Variants in UGT2A1 observed in about 807,000 individuals in gnomAD.
UGT2A1 encodes the protein UDP-glucuronosyltransferase 2A1.
In UGT2A1, 61 loss-of-function variants were observed where a neutral mutation model predicts 45.4. That is an observed-to-expected ratio of 1.34 (90% confidence interval 1.09 to 1.66). The LOEUF (loss-of-function observed/expected upper bound fraction) is 1.66. Among genes scored for constraint, UGT2A1 ranks in the 40% most tolerant of loss-of-function variants. The pLI, the probability that UGT2A1 is intolerant of heterozygous loss-of-function variation, is 0.00. For missense variants in UGT2A1, 649 were observed against 574.3 expected, an observed-to-expected ratio of 1.13 and a Z score of -1.33; for synonymous variants, 229 against 196.2, an observed-to-expected ratio of 1.17 and a Z score of -1.40.
intron 1 of UGT2A1, among the ~76,000 whole-genome samples, chr4:69,650,894 T>C (rs1578013301): frequency 6.6e-6 from 1 of 152,138 alleles, no homozygotes; most frequent in Non-Finnish European, 1.5e-5. Context: ...TCATGAAAGG[T>C]ATGATATTTG....
intron 2 of UGT2A1, among the ~76,000 whole-genome samples, chr4:69,641,051 AT>A (rs1213419881): frequency 6.6e-6 from 1 of 151,928 alleles, no homozygotes; most frequent in African/African-American, 2.4e-5. Flanking sequence ...ATTGAGTTAC[AT>A]GTAAGAAAAA....
intron 2 of UGT2A1, chr4:69,638,871 C>A (rs1721875367): frequency 5.9e-6 from 9 of 1,519,786 alleles, no homozygotes; most frequent in South Asian, 2.6e-5. Flanking sequence ...GATGTGGAGT[C>A]ATTAAAAAGA....
chr4:69,639,821 G>A (rs1367164658), intron 2 of UGT2A1, among the ~76,000 whole-genome samples: 1 of 151,834 alleles, frequency 6.6e-6, no homozygotes, highest in Non-Finnish European at 1.5e-5. Context: ...TTCAGTAACA[G>A]AAATAAAATC....
At chr4:69,601,212 C>A (rs1243562769) in intron 3 of UGT2A1, among the ~76,000 whole-genome samples, 1 of 152,130 alleles carries the variant, frequency 6.6e-6, no homozygotes, top group Non-Finnish European at 1.5e-5. Flanking sequence ...TGGAACATTA[C>A]CCCAACAGCC....
At chr4:69,644,346 T>C (rs1722162812) in intron 2 of UGT2A1, among the ~76,000 whole-genome samples, 1 of 151,608 alleles carries the variant, frequency 6.6e-6, no homozygotes, top group African/African-American at 2.4e-5. Flanking sequence ...AATTCCAAGG[T>C]TGATGATGAG....
chr4:69,616,949 G>C (rs1238191387), intron 3 of UGT2A1, among the ~76,000 whole-genome samples: 2 of 149,216 alleles, frequency 1.3e-5, no homozygotes. Context: ...ATCTGCATAA[G>C]TTTCTGCCCA....
intron 3 of UGT2A1, among the ~76,000 whole-genome samples, chr4:69,607,662 T>C (rs1326852447): frequency 1.3e-5 from 2 of 152,042 alleles, no homozygotes; most frequent in Non-Finnish European, 2.9e-5. Context: ...ATTTTTGCAA[T>C]CTACTCATCT....
chr4:69,633,208 A>G (rs995258552), intron 3 of UGT2A1, among the ~76,000 whole-genome samples: 2 of 152,160 alleles, frequency 1.3e-5, no homozygotes, highest in African/African-American at 4.8e-5. Context: ...GATGAAAGAA[A>G]TCATACTGTA....
chr4:69,600,095 C>T (rs1476425435), intron 3 of UGT2A1, among the ~76,000 whole-genome samples: 2 of 152,140 alleles, frequency 1.3e-5, no homozygotes, highest in African/African-American at 4.8e-5. Flanking sequence ...TGGTGGGCAG[C>T]AGCCTATCCT....
chr4:69,634,202 G>A (rs1392346638), intron 3 of UGT2A1, among the ~76,000 whole-genome samples: 1 of 151,954 alleles, frequency 6.6e-6, no homozygotes, highest in Non-Finnish European at 1.5e-5. Context: ...CCGAGATCGC[G>A]CCACTGCACT....
chr4:69,610,663 T>C (rs912375845), intron 3 of UGT2A1, among the ~76,000 whole-genome samples: 1 of 152,120 alleles, frequency 6.6e-6, no homozygotes, highest in Non-Finnish European at 1.5e-5. Flanking sequence ...CTCTAATCCA[T>C]TATGACTAGT....
At chr4:69,639,741 A>C (rs1351650351) in intron 2 of UGT2A1, 1 of 1,132,660 alleles carries the variant, frequency 8.8e-7, no homozygotes, top group Non-Finnish European at 1.2e-6. Flanking sequence ...ACTCAGTCGT[A>C]GGTCAATTGA....
Position 69,589,223 on chromosome 4 carries a change from TA to T in UGT2A1, c.*148del. The T allele has an allele frequency of 9.9e-7, 1 of 1,013,680 alleles. No individual in the cohort carries two copies. The highest frequency in any genetic ancestry group is 1.4e-6 in the Non-Finnish European group (1 of 736,948). The allele number at this position is 1,013,680 out of a possible 1,614,324, so 62.8% of individuals were successfully genotyped here. ...CATGCCAAAATCTAGGCTTTATCAGTAGGCTTATCGCAGGTAGAGAAATAGA... is the reference window on the plus strand; with the variant it reads ...CATGCCAAAATCTAGGCTTTATCAGTGGCTTATCGCAGGTAGAGAAATAGA... On this transcript the variant is annotated 3_prime_UTR_variant, in exon 7 of 7. Coordinates refer to ENST00000286604, the MANE Select transcript of UGT2A1 (RefSeq NM_001252275.3).
At position 69,589,366 on chromosome 4, in the gene UGT2A1, C is replaced by T; in HGVS notation, c.*6G>A. The T allele has an allele frequency of 6.2e-7, 1 of 1,603,914 alleles. No individual in the cohort carries two copies. Among genetic ancestry groups the T allele is most frequent in the Non-Finnish European group, 8.5e-7 (1 of 1,175,504 alleles). ...AAAAATATATATATTTCCTCTTTTT[C>T]TTGACCTATTCTCTTTTTTTCTTCT... On this transcript the variant is annotated 3_prime_UTR_variant, in exon 7 of 7. Transcript: ENST00000286604.
chr4:69,639,895 A>G (rs1721960218), intron 2 of UGT2A1, among the ~76,000 whole-genome samples: 1 of 152,072 alleles, frequency 6.6e-6, no homozygotes. Context: ...TTCTGTGATA[A>G]TAACTATGAT....
At chr4:69,607,183 A>ACTAACCAAAACAGCATT (rs1390324533) in intron 3 of UGT2A1, among the ~76,000 whole-genome samples, 2 of 135,074 alleles carry the variant, frequency 1.5e-5, no homozygotes, top group South Asian at 2.4e-4. Context: ...GCAAGGCTAC[A>ACTAACCAAAACAGCATT]GTAACCAAAA....
At chr4:69,596,511 T>C (rs1241598607) in intron 4 of UGT2A1, 15 of 1,258,472 alleles carry the variant, frequency 1.2e-5, no homozygotes, top group Non-Finnish European at 1.5e-5. Flanking sequence ...TCTTCTGACA[T>C]GTAGAAAGAT....
rs182288703 is a variant in UGT2A1 at position 69,592,628 on chromosome 4, T to C, written c.1304+1849A>G. ...CTCATGGTAAAAATAATAAATTTAC[T>C]AATTTGTGAACTATTGGAGGCAATC... On this transcript the variant is annotated intron_variant, in intron 6 of 6. Transcript: ENST00000286604. Among the ~76,000 whole-genome samples, 20 of 152,280 alleles carry C rather than the reference T, an allele frequency of 1.3e-4. No homozygotes were observed. In the East Asian group the frequency reaches 3.5e-3, roughly 26 times the overall value.
intron 4 of UGT2A1, among the ~76,000 whole-genome samples, chr4:69,598,788 C>A (rs1190799074): frequency 2.6e-5 from 4 of 151,990 alleles, no homozygotes; most frequent in Non-Finnish European, 5.9e-5. Flanking sequence ...AACCTAAGAG[C>A]CCTGCCTTAT....
Sources: gnomAD v4.1 joint callset for allele counts (sites outside exome capture counted in the v4.1 genomes callset) on GRCh38, gnomAD v4.1.1 for gene constraint, MANE v1.5 for transcripts, NCBI Gene and HGNC (gene_info 2026-07-23, HGNC 2026-07-21) for gene names.